ANAPC1: variants seen among roughly 807,000 people sequenced by gnomAD.
ANAPC1 encodes anaphase-promoting complex subunit 1.
In ANAPC1, 36 loss-of-function variants were observed where a neutral mutation model predicts 208.0. The observed-to-expected ratio is 0.17, with a 90% CI of 0.13 to 0.23. ANAPC1 has a LOEUF of 0.23. Among genes scored for constraint, ANAPC1 ranks in the 10% least tolerant of loss-of-function variants. The pLI, the probability that ANAPC1 is intolerant of heterozygous loss-of-function variation, is 1.00. For missense variants in ANAPC1, 942 were observed against 2,011.6 expected (o/e 0.47, Z 10.17); for synonymous variants, 378 against 695.2 (o/e 0.54, Z 7.18).
At chr2:111,829,189 G>C (rs1573410116) in intron 21 of ANAPC1, among the ~76,000 whole-genome samples, 1 of 152,256 alleles carries the variant, frequency 6.6e-6, no homozygotes, top group Admixed American at 6.5e-5. Context: ...ACTCCAGCCT[G>C]GGCAACAGAG....
rs1237878656 is a variant in ANAPC1, at chr2:111,792,455, C to T, written c.4619G>A (p.Arg1540His). 16 of 1,613,216 alleles carry T rather than the reference C, an allele frequency of 9.9e-6. No individual in the cohort carries two copies. Among genetic ancestry groups the T allele is most frequent in the East Asian group, 4.5e-5 (2 of 44,878 alleles). Residue 1540 changes from arginine (R) to histidine (H), a missense_variant, in exon 38 of 48, where the codon CGC becomes CAC. By Grantham distance (29) the Arg-to-His change is conservative (BLOSUM62 0). Coordinates refer to ENST00000341068, the MANE Select transcript of ANAPC1 (RefSeq NM_022662.4). ...SGNLKVLQLC[R>H]FLHMKTGGEM... is the part of the protein sequence containing the mutation. The stretch of plus-strand genomic sequence containing the variant: ...ACCACCCGTTTTCATGTGTAAGAAG[C>T]GACAAAGCTGCAAAACCTTTAGGTT...
At chr2:111,843,179 T>G (rs1680862082) in intron 17 of ANAPC1, among the ~76,000 whole-genome samples, 1 of 152,192 alleles carries the variant, frequency 6.6e-6, no homozygotes. Context: ...AAATGAGAAA[T>G]AGTCATATAT....
In ANAPC1 at chr2:111,863,718, G is replaced by A. The variant is rs551477365; in HGVS notation, c.1009C>T (p.Leu337=). The stretch of plus-strand genomic sequence containing the variant: ...GAAATAGAAGGTGAGCGAGAATGTA[G>A]ACTGGGTGATGAGGTTGAGCGACTC... The part of the protein sequence containing the change: ...SQSRSTSSPS[L]HSRSPSISNM... Residue 337 remains leucine, a synonymous_variant, in exon 9 of 48, where the codon CTA becomes TTA. Coordinates refer to ENST00000341068, the MANE Select transcript of ANAPC1 (RefSeq NM_022662.4). The A allele has an allele frequency of 2.7e-5, 44 of 1,613,930 alleles. No homozygotes were observed. In the East Asian group the frequency reaches 9.6e-4, roughly 35 times the overall value.
chr2:111,777,159 A>C, intron 45 of ANAPC1, 102 bp from the exon 46 acceptor site: 1 of 616,038 alleles, frequency 1.6e-6, no homozygotes, highest in Non-Finnish European at 2.9e-6. Flanking sequence ...TCCGAATTAT[A>C]AAGGGTCGGG....
intron 11 of ANAPC1, 22 bp downstream of exon 11, chr2:111,858,284 A>G: frequency 5.7e-6 from 9 of 1,583,402 alleles, no homozygotes; most frequent in Non-Finnish European, 7.8e-6. Flanking sequence ...ATACAGAAAC[A>G]ATGGGAAAGA....
At chr2:111,848,588 C>T (rs1385008798) in intron 14 of ANAPC1, among the ~76,000 whole-genome samples, 4 of 152,090 alleles carry the variant, frequency 2.6e-5, no homozygotes, top group Non-Finnish European at 5.9e-5. Context: ...ACCAGCCTGG[C>T]CAACATGGTG....
At chr2:111,842,873 C>T (rs943051510) in intron 17 of ANAPC1, among the ~76,000 whole-genome samples, 1 of 152,096 alleles carries the variant, frequency 6.6e-6, no homozygotes, top group East Asian at 1.9e-4. Flanking sequence ...AAGGATGTTA[C>T]TGCAGGAAGA....
intron 34 of ANAPC1, among the ~76,000 whole-genome samples, chr2:111,798,988 C>G (rs1036879606): frequency 6.7e-6 from 1 of 149,392 alleles, no homozygotes; most frequent in Non-Finnish European, 1.5e-5. Context: ...GAGCCGAGAT[C>G]ACACCACTGC....
intron 13 of ANAPC1, among the ~76,000 whole-genome samples, chr2:111,853,804 C>T (rs1171700951): frequency 1.3e-5 from 2 of 152,126 alleles, no homozygotes; most frequent in African/African-American, 4.8e-5. Context: ...GCAAGCTCCG[C>T]CTCCTGGGTT....
At chr2:111,787,103 C>A (rs1174277648) in intron 39 of ANAPC1, among the ~76,000 whole-genome samples, 2 of 144,036 alleles carry the variant, frequency 1.4e-5, no homozygotes, top group Admixed American at 7.0e-5. Flanking sequence ...GACCCGAGAT[C>A]ACGCCACTGC....
intron 10 of ANAPC1, among the ~76,000 whole-genome samples, chr2:111,860,018 C>T (rs1156434410): frequency 1.3e-5 from 2 of 152,080 alleles, no homozygotes; most frequent in Admixed American, 1.3e-4. Flanking sequence ...ATACTGGGGG[C>T]CAGGCACAGT....
In ANAPC1 at chr2:111,767,967, C is replaced by A. The variant is rs1246647878; in HGVS notation, c.*1324G>T. 1.3e-5 allele frequency: 2 copies of A among 152,070 alleles called. No individual in the cohort carries two copies. The highest frequency in any genetic ancestry group is 3.9e-4 in the East Asian group (2 of 5,176). 9.4% of individuals were successfully genotyped at this position (152,070 alleles called of 1,614,324 possible). ...GTGCATGCCTTCCAAGTCTACTCTG[C>A]AGACGCAAATGTCATGTGGGTTTTT... On this transcript the variant is annotated 3_prime_UTR_variant, in exon 48 of 48. Coordinates refer to ENST00000341068, the MANE Select transcript of ANAPC1 (RefSeq NM_022662.4).
chr2:111,867,966 C>T, intron 7 of ANAPC1, 57 bp downstream of exon 7: 1 of 1,193,224 alleles, frequency 8.4e-7, no homozygotes, highest in South Asian at 1.6e-5. Context: ...TTATAACCTC[C>T]CTCACCAAAG....
chr2:111,826,693 A>T (rs1255280392), intron 21 of ANAPC1, among the ~76,000 whole-genome samples: 1 of 143,216 alleles, frequency 7.0e-6, no homozygotes, highest in Non-Finnish European at 1.5e-5. Context: ...ACGGAGTCTC[A>T]CTATGTCGCC....
chr2:111,837,456 C>T (rs1218764339), intron 18 of ANAPC1, among the ~76,000 whole-genome samples: 2 of 152,146 alleles, frequency 1.3e-5, no homozygotes, highest in Non-Finnish European at 2.9e-5. Flanking sequence ...CCCATCTCTA[C>T]TAAAAATACA....
intron 29 of ANAPC1, among the ~76,000 whole-genome samples, chr2:111,807,713 T>C (rs1485261372): frequency 1.2e-4 from 18 of 152,114 alleles, no homozygotes; most frequent in African/African-American, 3.6e-4. Flanking sequence ...ATTTTTAATG[T>C]ACATTCTGAC....
chr2:111,771,759 CA>C (rs1167756059), intron 47 of ANAPC1, among the ~76,000 whole-genome samples: 1 of 151,496 alleles, frequency 6.6e-6, no homozygotes, highest in African/African-American at 2.4e-5. Flanking sequence ...TTAAATGGAA[CA>C]ATCTTTGCCC....
chr2:111,774,840 T>C (rs1422566253), intron 46 of ANAPC1, among the ~76,000 whole-genome samples: 16 of 120,922 alleles, frequency 1.3e-4, no homozygotes, highest in African/African-American at 5.1e-4. Flanking sequence ...ATTACACTAG[T>C]CTACTTACTT....
chr2:111,873,658 A>G lies in ANAPC1; in HGVS notation c.382T>C (p.Trp128Arg), dbSNP rs1349729532. The stretch of plus-strand genomic sequence containing the variant: ...TCCTGTGATATAATGAAGTCACACC[A>G]CAATGCCTAAAATCAAAACAAAATG... The part of the protein sequence containing the change: ...TVDSPVQQAL[W>R]CDFIISQDKS... Residue 128 changes from tryptophan (W) to arginine (R), a missense_variant, in exon 4 of 48, where the codon TGG becomes CGG. Transcript: ENST00000341068. The G allele has an allele frequency of 6.3e-7, 1 of 1,587,854 alleles. No individual in the cohort carries two copies. The highest frequency in any genetic ancestry group is 8.5e-7 in the Non-Finnish European group (1 of 1,173,258).
Sources: gnomAD v4.1 joint callset for allele counts (sites outside exome capture counted in the v4.1 genomes callset) on GRCh38, gnomAD v4.1.1 for gene constraint, MANE v1.5 for transcripts, NCBI Gene and HGNC (gene_info 2026-07-23, HGNC 2026-07-21) for gene names.